PTPRD: variants seen among roughly 807,000 people sequenced by gnomAD.
PTPRD encodes protein tyrosine phosphatase receptor type D.
A neutral mutation model predicts 214.5 loss-of-function variants in PTPRD; 34 were observed. The observed-to-expected ratio is 0.16, with a 90% CI of 0.12 to 0.21. The LOEUF is 0.21. PTPRD is among the 10% of genes least tolerant of loss of function. The pLI is 1.00. For synonymous variants in PTPRD, 1,128 were observed against 845.7 expected, an observed-to-expected ratio of 1.33 and a Z score of -5.79; for missense variants, 2,545 against 2,398.7, an observed-to-expected ratio of 1.06 and a Z score of -1.27.
chr9:9,351,224 A>T (rs1239918032), intron 9 of PTPRD, among the ~76,000 whole-genome samples: 1 of 152,060 alleles, frequency 6.6e-6, no homozygotes, highest in Non-Finnish European at 1.5e-5. Context: ...AGATTACAGA[A>T]GGAAACTGAA....
chr9:9,015,907 T>C (rs1410853637), intron 11 of PTPRD, among the ~76,000 whole-genome samples: 3 of 152,132 alleles, frequency 2.0e-5, no homozygotes, highest in Non-Finnish European at 4.4e-5. Context: ...GTTGTTGTTA[T>C]GGAGGTGAGG....
At chr9:8,880,981 G>A (rs2154218747) in intron 11 of PTPRD, among the ~76,000 whole-genome samples, 1 of 152,152 alleles carries the variant, frequency 6.6e-6, no homozygotes, top group East Asian at 1.9e-4. Flanking sequence ...TCCTCAAGCT[G>A]GTGTCGAACT....
chr9:9,128,258 A>T (rs2099837148), intron 10 of PTPRD, among the ~76,000 whole-genome samples: 1 of 152,178 alleles, frequency 6.6e-6, no homozygotes. Flanking sequence ...AGGTATGTAT[A>T]TCTATATTTC....
At chr9:9,918,327 T>C (rs964194798) in intron 5 of PTPRD, among the ~76,000 whole-genome samples, 1 of 100,964 alleles carries the variant, frequency 9.9e-6, no homozygotes, top group African/African-American at 3.7e-5. Flanking sequence ...ATAAAATACC[T>C]AGGAATAAAT....
At chr9:10,050,099 C>G (rs117884865) in intron 3 of PTPRD, among the ~76,000 whole-genome samples, 3 of 152,086 alleles carry the variant, frequency 2.0e-5, no homozygotes, top group Non-Finnish European at 4.4e-5. Context: ...AAATATCTGT[C>G]GAATTAAAGG....
At chr9:9,873,193 A>G (rs2065942250) in intron 5 of PTPRD, among the ~76,000 whole-genome samples, 2 of 152,200 alleles carry the variant, frequency 1.3e-5, no homozygotes, top group Admixed American at 1.3e-4. Flanking sequence ...ATGTATTGGG[A>G]ACATTCAGCA....
intron 7 of PTPRD, among the ~76,000 whole-genome samples, chr9:9,616,049 C>T (rs1276931624): frequency 6.6e-6 from 1 of 152,260 alleles, no homozygotes; most frequent in African/African-American, 2.4e-5. Context: ...ATGCATTAGC[C>T]TGTAGTGCTT....
At chr9:10,528,330 T>C (rs1246396049) in intron 2 of PTPRD, among the ~76,000 whole-genome samples, 1 of 152,142 alleles carries the variant, frequency 6.6e-6, no homozygotes, top group Non-Finnish European at 1.5e-5. Flanking sequence ...CCATCTCCAG[T>C]TTCCACATCT....
At position 9,421,565 on chromosome 9, in the gene PTPRD, T is replaced by G. The variant is rs190256919; in HGVS notation, c.-236-24083A>C. ...TCTTTGTTCTGGGCAGAAGATAATC[T>G]GAACTTAGAAATACACCCCATGCCT... On this transcript the variant is annotated intron_variant, in intron 8 of 45. Transcript: ENST00000381196. Among the ~76,000 whole-genome samples, 320 of 152,212 alleles carry G rather than the reference T, an allele frequency of 2.1e-3. 1 individual carries two copies. The highest frequency in any genetic ancestry group is 7.0e-3 in the African/African-American group (292 of 41,562).
intron 44 of PTPRD, among the ~76,000 whole-genome samples, chr9:8,323,524 T>C (rs1219037563): frequency 1.3e-5 from 2 of 152,194 alleles, no homozygotes; most frequent in Non-Finnish European, 2.9e-5. Context: ...AACAGGAGTT[T>C]GGAAGAAGTT....
At chr9:9,346,311 G>T (rs1175157507) in intron 9 of PTPRD, among the ~76,000 whole-genome samples, 10 of 152,016 alleles carry the variant, frequency 6.6e-5, no homozygotes, top group Admixed American at 6.6e-4. Context: ...TAGAAATATG[G>T]GAGGGTCAAT....
intron 4 of PTPRD, among the ~76,000 whole-genome samples, chr9:9,957,637 C>T (rs1253831647): frequency 1.3e-5 from 2 of 152,012 alleles, no homozygotes; most frequent in Non-Finnish European, 2.9e-5. Flanking sequence ...AAATATCTCT[C>T]ATAAACAAAA....
intron 7 of PTPRD, among the ~76,000 whole-genome samples, chr9:9,672,289 T>G (rs969483951): frequency 6.6e-6 from 1 of 152,162 alleles, no homozygotes; most frequent in Non-Finnish European, 1.5e-5. Context: ...TGGAAAATAT[T>G]GATGTATGGT....
At chr9:9,770,248 C>A (rs1334423396) in intron 5 of PTPRD, among the ~76,000 whole-genome samples, 2 of 152,210 alleles carry the variant, frequency 1.3e-5, no homozygotes, top group African/African-American at 4.8e-5. Flanking sequence ...GTTCCTATTT[C>A]TCCACATACT....
chr9:9,257,828 T>C (rs1655084349), intron 9 of PTPRD, among the ~76,000 whole-genome samples: 1 of 151,870 alleles, frequency 6.6e-6, no homozygotes, highest in African/African-American at 2.4e-5. Context: ...ATGCCAACTC[T>C]ATGCAAACTA....
chr9:9,243,743 CCT>C (rs1481912524), intron 9 of PTPRD, among the ~76,000 whole-genome samples: 4 of 152,114 alleles, frequency 2.6e-5, no homozygotes, highest in Non-Finnish European at 5.9e-5. Flanking sequence ...ACAGGGATGC[CCT>C]CTCTCACCAC....
chr9:10,536,885 C>T (rs773062920), intron 2 of PTPRD, among the ~76,000 whole-genome samples: 4 of 152,108 alleles, frequency 2.6e-5, no homozygotes, highest in Non-Finnish European at 5.9e-5. Flanking sequence ...TAGTAATTGG[C>T]AATGCTTTAT....
At chr9:10,484,539 TTGAG>T (rs2099120400) in intron 2 of PTPRD, among the ~76,000 whole-genome samples, 1 of 152,102 alleles carries the variant, frequency 6.6e-6, no homozygotes, top group South Asian at 2.1e-4. Flanking sequence ...CATATCCTTG[TTGAG>T]TATTTGTTAT....
At chr9:8,753,431 C>T (rs1180238799) in intron 11 of PTPRD, among the ~76,000 whole-genome samples, 1 of 152,186 alleles carries the variant, frequency 6.6e-6, no homozygotes, top group South Asian at 2.1e-4. Flanking sequence ...AGGGTTGATA[C>T]TTTAAAAGCA....
Sources: allele counts gnomAD v4.1 joint callset (sites outside exome capture counted in the v4.1 genomes callset), GRCh38; gene constraint gnomAD v4.1.1; transcripts MANE v1.5; gene names NCBI Gene and HGNC (gene_info 2026-07-23, HGNC 2026-07-21).